Variants in THY1 observed in about 807,000 individuals in gnomAD.
The protein encoded by THY1 is Thy-1 cell surface antigen.
THY1 carries 10 observed loss-of-function variants against 14.9 expected under a neutral mutation model. The observed-to-expected ratio is 0.67, with a 90% CI of 0.41 to 1.14. The LOEUF (loss-of-function observed/expected upper bound fraction) is 1.14, where lower values mean the gene tolerates loss of function less well. Ranked by LOEUF, THY1 falls within the 50% of genes most tolerant of loss-of-function variation. The pLI is 0.00. For synonymous variants in THY1, 80 were observed against 90.0 expected, an observed-to-expected ratio of 0.89 and a Z score of 0.63; for missense variants, 159 against 202.1, an observed-to-expected ratio of 0.79 and a Z score of 1.29.
chr11:119,423,509 T>C (rs1159110100), upstream of THY1: 2 of 309,876 alleles, frequency 6.5e-6, no homozygotes, highest in Non-Finnish European at 1.3e-5. Context: ...TTCTGACCTA[T>C]TCTTCAGGAG....
chr11:119,420,447 A>G, intron 2 of THY1, 61 bp from the exon 3 acceptor site: 2 of 1,474,184 alleles, frequency 1.4e-6, no homozygotes, highest in Admixed American at 4.2e-5. Context: ...CCTCCCACCC[A>G]CCTGAAGTGG....
rs145429331 is a variant in THY1, at chr11:119,415,996, G to A, written c.*3412C>T. On this transcript the variant is annotated 3_prime_UTR_variant, in exon 4 of 4. Transcript: ENST00000284240. ...GAGAGGGACATCAGGTTGAGGAGGC[G>A]GGAGGGATGTGTGTCACAGGTCCCC... Among the ~76,000 whole-genome samples, 102 of 152,298 alleles carry A rather than the reference G, an allele frequency of 6.7e-4. No individual in the cohort carries two copies. Among genetic ancestry groups the A allele is most frequent in the African/African-American group, 2.2e-3 (90 of 41,548 alleles).
At chr11:119,423,260 T>C (rs542884844), upstream of THY1, 15 of 377,470 alleles carry the variant, frequency 4.0e-5, no homozygotes, top group Non-Finnish European at 7.0e-5. Context: ...GAGGCGGAGA[T>C]TGGGGGAGAA....
Position 119,420,321 on chromosome 11 carries a change from G to A in THY1, c.103C>T (p.Arg35Cys), listed in dbSNP as rs1861873740. 5 of 1,614,076 alleles carry A rather than the reference G, an allele frequency of 3.1e-6. No individual in the cohort carries two copies. The highest frequency in any genetic ancestry group is 1.3e-5 in the African/African-American group (1 of 74,928). ...GTATTCTCATGGCGGCAGTCCAGAC[G>A]AAGGCTCTGGTCCACTAGGCAGGCC... ...LTACLVDQSL[R>C]LDCRHENTSS... Residue 35 changes from arginine (R) to cysteine (C), a missense_variant, in exon 3 of 4, where the codon CGT becomes TGT. Physicochemically the swap from Arg to Cys is radical, Grantham distance 180 (BLOSUM62 -3). Coordinates refer to ENST00000284240, the MANE Select transcript of THY1 (RefSeq NM_006288.5).
chr11:119,420,854 C>T lies in THY1; in HGVS notation c.37+15G>A, dbSNP rs1279902551. The T allele has an allele frequency of 6.2e-7, 1 of 1,614,102 alleles. No homozygotes were observed. The highest frequency in any genetic ancestry group is 8.5e-7 in the Non-Finnish European group (1 of 1,180,004). ...CAGGGCGCCTGGAGCCCCAGTCCTG[C>T]CCCATGCCGGGTACCTGTTAGCAGG... On this transcript the variant is annotated intron_variant, in intron 2 of 3. Transcript: ENST00000284240.
At chr11:119,419,896 C>A (rs1052721939) in intron 3 of THY1, 155 bp downstream of exon 3, 7 of 848,880 alleles carry the variant, frequency 8.2e-6, no homozygotes, top group African/African-American at 1.7e-5. Flanking sequence ...CCATTCACAC[C>A]GAAGGCAATG....
Position 119,420,899 on chromosome 11 carries a change from G to A in THY1, c.7C>T (p.Leu3=), listed in dbSNP as rs1037116597. The change falls in exon 2 of 4, where the codon CTG becomes TTG. Residue 3 remains leucine, a synonymous_variant. Transcript: ENST00000284240. The part of the protein sequence containing the change: MN[L]AISIALLLTV... ...AGCAGGAGAGCGATGCTGATGGCCAGGTTCATGGTTCTGGGATCTCAGTCC... is the reference window on the plus strand; with the variant it reads ...AGCAGGAGAGCGATGCTGATGGCCAAGTTCATGGTTCTGGGATCTCAGTCC... 6 of 1,614,044 alleles carry A rather than the reference G, an allele frequency of 3.7e-6. No homozygotes were observed. The highest frequency in any genetic ancestry group is 5.1e-6 in the Non-Finnish European group (6 of 1,180,032).
At chr11:119,423,604 ACCT>A (rs1174463536), upstream of THY1, 1 of 200,218 alleles carries the variant, frequency 5.0e-6, no homozygotes, top group Admixed American at 5.5e-5. Context: ...GCTGGAGCCC[ACCT>A]CCTCCGGAGC....
Position 119,422,998 on chromosome 11 carries a change from G to A in THY1, c.-25+115C>T. ...AAGCAGGCCCCTCCCTAAGCTCTGC[G>A]CCCTTCTTCCCTGGGCGCCCTCGGA... On this transcript the variant is annotated intron_variant, in intron 1 of 3. Transcript: ENST00000284240. The surrounding 1 kb of genome is among the most constrained non-coding windows in gnomAD (Gnocchi z 7.0). 2.2e-6 allele frequency: 1 copy of A among 455,336 alleles called. No individual in the cohort carries two copies. Among genetic ancestry groups the A allele is most frequent in the South Asian group, 1.6e-5 (1 of 64,484 alleles). The allele number at this position is 455,336 out of a possible 1,614,324, so 28.2% of individuals were successfully genotyped here. A position where few individuals can be genotyped will look rare whatever the true frequency, so the allele number is the denominator to read the frequency against.
At chr11:119,419,747 T>C in intron 3 of THY1, 1 of 600,244 alleles carries the variant, frequency 1.7e-6, no homozygotes, top group Non-Finnish European at 3.0e-6. Context: ...CTAAACATCA[T>C]GACAAGAAAA....
rs1218019109 is a variant in THY1 at position 119,418,364 on chromosome 11, C to G, written c.*1044G>C. The stretch of plus-strand genomic sequence containing the variant: ...TCACTCCATGGCTTGCCTCAGGCCC[C>G]GCAGAAGTCCCTGAGAAGGCAGGCC... On this transcript the variant is annotated 3_prime_UTR_variant, in exon 4 of 4. Transcript: ENST00000284240. The G allele has an allele frequency of 6.6e-6, 1 of 152,290 alleles. No homozygotes were observed. The highest frequency in any genetic ancestry group is 1.5e-5 in the Non-Finnish European group (1 of 68,112). 9.4% of individuals were successfully genotyped at this position (152,290 alleles called of 1,614,324 possible).
At position 119,422,896 on chromosome 11, in the gene THY1, G is replaced by T. The variant is rs949239494; in HGVS notation, c.-25+217C>A. ...TCCCCCAGCGGGCGAAAGCCCGGGA[G>T]CGCCTTCCCCGAAAGACATCAGGGT... On this transcript the variant is annotated intron_variant, in intron 1 of 3. Transcript: ENST00000284240. This position sits in a 1 kb window ranked among gnomAD's most constrained non-coding sequence, Gnocchi z 7.0. Among the ~76,000 whole-genome samples, 2 of 152,222 alleles carry T rather than the reference G, an allele frequency of 1.3e-5. No homozygotes were observed. Among genetic ancestry groups the T allele is most frequent in the African/African-American group, 4.8e-5 (2 of 41,466 alleles).
rs760249112 is a variant in THY1, at chr11:119,423,166, G to A, written c.-78C>T. ...CTCCTCCAGACGCGCCGCCGCCTCC[G>A]GTTGCTGCACCCAGCTCGGAGCCCG... On this transcript the variant is annotated 5_prime_UTR_variant, in exon 1 of 4. Coordinates refer to ENST00000284240, the MANE Select transcript of THY1 (RefSeq NM_006288.5). 1.5e-4 allele frequency: 69 copies of A among 455,784 alleles called. 2 individuals are homozygous for A. Among genetic ancestry groups the A allele is most frequent in the South Asian group, 1.1e-3 (68 of 64,516 alleles). The allele number at this position is 455,784 out of a possible 1,614,324, so 28.2% of individuals were successfully genotyped here.
rs1861785683 is a variant in THY1, at chr11:119,416,778, G to A, written c.*2630C>T. 6.6e-6 allele frequency among the ~76,000 whole-genome samples: 1 copy of A among 152,230 alleles called. No individual in the cohort carries two copies. The highest frequency in any genetic ancestry group is 2.4e-5 in the African/African-American group (1 of 41,472). On this transcript the variant is annotated 3_prime_UTR_variant, in exon 4 of 4. Transcript: ENST00000284240. ...ATCTCTGGGTAGGTTTGCGTTGTGA[G>A]GCCTGATGCCCTGTTCTTCTCTTCT...
rs1193505202 is a variant in THY1 at position 119,422,075 on chromosome 11, G to A, written c.-25+1038C>T. 2 of 152,338 alleles carry A rather than the reference G, an allele frequency of 1.3e-5. No homozygotes were observed. The highest frequency in any genetic ancestry group is 4.8e-5 in the African/African-American group (2 of 41,474). 9.4% of individuals were successfully genotyped at this position (152,338 alleles called of 1,614,324 possible). A position where few individuals can be genotyped will look rare whatever the true frequency, so the allele number is the denominator to read the frequency against. On this transcript the variant is annotated intron_variant, in intron 1 of 3. Coordinates refer to ENST00000284240, the MANE Select transcript of THY1 (RefSeq NM_006288.5). The surrounding 1 kb of genome is among the most constrained non-coding windows in gnomAD (Gnocchi z 7.0). ...GGCGTGCACCCGCGAGAGCGCGCAG[G>A]GCATTGCCTCGGTTGAGTGCGCCCG...
intron 2 of THY1, 117 bp from the exon 3 acceptor site, chr11:119,420,503 T>C: frequency 2.0e-6 from 2 of 994,212 alleles, no homozygotes; most frequent in Non-Finnish European, 2.9e-6. Context: ...GCTCTCTGAG[T>C]GCCTTTCCCC....
chr11:119,421,188 C>T (rs959535168), intron 1 of THY1: 2 of 381,106 alleles, frequency 5.2e-6, no homozygotes, highest in Non-Finnish European at 9.3e-6. Context: ...AGCTGGGTGA[C>T]TTTAAGTAAC....
At chr11:119,423,298 G>T, upstream of THY1, 2 of 344,656 alleles carry the variant, frequency 5.8e-6, no homozygotes, top group South Asian at 4.1e-5. Context: ...TGGGGGGTGG[G>T]GAAGGAAGAG....
Position 119,419,292 on chromosome 11 carries a change from GT to G in THY1, c.*115del. 1.1e-6 allele frequency: 1 copy of G among 938,778 alleles called. No individual in the cohort carries two copies. Among genetic ancestry groups the G allele is most frequent in the Non-Finnish European group, 1.7e-6 (1 of 588,786 alleles). 58.2% of individuals were successfully genotyped at this position (938,778 alleles called of 1,614,324 possible). A position where few individuals can be genotyped will look rare whatever the true frequency, so the allele number is the denominator to read the frequency against. ...ACTGGAACTCCTGATGAGGGGTGGG[GT>G]CCCCACTTCTCCTCAAGGTTTGAGG... On this transcript the variant is annotated 3_prime_UTR_variant, in exon 4 of 4. Transcript: ENST00000284240.
Sources: allele counts gnomAD v4.1 joint callset (sites outside exome capture counted in the v4.1 genomes callset), GRCh38; gene constraint gnomAD v4.1.1; non-coding constraint Gnocchi (gnomAD v3.1); transcripts MANE v1.5; gene names NCBI Gene and HGNC (gene_info 2026-07-23, HGNC 2026-07-21).